Variants in RIC3 observed in about 807,000 individuals in gnomAD.
RIC3 encodes the protein RIC3 acetylcholine receptor chaperone.
Under a neutral mutation model 27.3 loss-of-function variants are expected in RIC3, and 28 were observed. The ratio of observed to expected loss-of-function variants is 1.02; its 90% CI spans 0.76 to 1.41. The LOEUF (loss-of-function observed/expected upper bound fraction) is 1.41, where lower values mean the gene tolerates loss of function less well. Among genes scored for constraint, RIC3 ranks in the 40% most tolerant of loss-of-function variants. The probability of loss-of-function intolerance (pLI) is 0.00; values close to 1 mark genes in which losing one functional copy is unlikely to be tolerated. For synonymous variants in RIC3, 184 were observed against 160.4 expected, an observed-to-expected ratio of 1.15 and a Z score of -1.11; for missense variants, 501 against 444.7, an observed-to-expected ratio of 1.13 and a Z score of -1.14.
At chr11:8,132,785 C>T (rs1947888494) in intron 4 of RIC3, among the ~76,000 whole-genome samples, 1 of 151,960 alleles carries the variant, frequency 6.6e-6, no homozygotes, top group Middle Eastern at 3.4e-3. Context: ...TTTTGCTTTA[C>T]CCCCAGAAAC....
At chr11:8,162,224 C>T (rs1029371549) in intron 1 of RIC3, among the ~76,000 whole-genome samples, 1 of 152,238 alleles carries the variant, frequency 6.6e-6, no homozygotes, top group East Asian at 1.9e-4. Context: ...TCAAACCATA[C>T]TGCAAGACAT....
chr11:8,119,639 G>A (rs1429575884), intron 5 of RIC3, among the ~76,000 whole-genome samples: 4 of 152,092 alleles, frequency 2.6e-5, no homozygotes, highest in South Asian at 2.1e-4. Context: ...GCATAGGCAA[G>A]GACTTCATGA....
At chr11:8,132,909 G>C (rs1947904335) in intron 4 of RIC3, among the ~76,000 whole-genome samples, 1 of 152,186 alleles carries the variant, frequency 6.6e-6, no homozygotes, top group Admixed American at 6.5e-5. Flanking sequence ...AGAAAATGAG[G>C]TTAAAGGACA....
chr11:8,102,705 A>C (rs1450886128), downstream of RIC3: 1 of 152,138 alleles, frequency 6.6e-6, no homozygotes, highest in Non-Finnish European at 1.5e-5. Flanking sequence ...AGGGTGAATA[A>C]AGCAGGGAAT....
rs1317556366 is a variant in RIC3 at position 8,112,617 on chromosome 11, T to G, written c.671-1480A>C. ...GCCAACATGTATTTTCTTATTCCCC[T>G]TTTTTAAAAAGAAGGATCATATTTG... On this transcript the variant is annotated intron_variant, in intron 5 of 5. Coordinates refer to ENST00000309737, the MANE Select transcript of RIC3 (RefSeq NM_001206671.4). Among the ~76,000 whole-genome samples the G allele has an allele frequency of 3.3e-5, 5 of 152,198 alleles. No homozygotes were observed. The East Asian group carries it at 7.7e-4, about 23-fold the overall frequency.
At chr11:8,160,110 T>C (rs1951039153) in intron 1 of RIC3, among the ~76,000 whole-genome samples, 1 of 152,318 alleles carries the variant, frequency 6.6e-6, no homozygotes, top group Admixed American at 6.5e-5. Flanking sequence ...CAAGGAAGTA[T>C]TGACTTTTTA....
the RIC3 span, among the ~76,000 whole-genome samples, chr11:8,093,077 G>A: frequency 6.6e-6 from 1 of 152,178 alleles, no homozygotes; most frequent in African/African-American, 2.4e-5. Context: ...TACAGTCTAG[G>A]TGGAGAGACA....
At chr11:8,102,669 T>G (rs1184572445), downstream of RIC3, 1 of 152,176 alleles carries the variant, frequency 6.6e-6, no homozygotes, top group Admixed American at 6.5e-5. Flanking sequence ...TTGGTAACCA[T>G]GTAGGTTCTT....
chr11:8,130,227 T>A (rs539336648), intron 4 of RIC3, among the ~76,000 whole-genome samples: 15 of 152,172 alleles, frequency 9.9e-5, no homozygotes, highest in African/African-American at 3.6e-4. Flanking sequence ...TCACATTCCA[T>A]CCCCTTGACT....
chr11:8,130,334 A>G (rs952762882), intron 4 of RIC3, among the ~76,000 whole-genome samples: 22 of 152,206 alleles, frequency 1.4e-4, no homozygotes, highest in Admixed American at 1.4e-3. Context: ...TACTTTTGAC[A>G]TTAAATTCAT....
At chr11:8,124,673 A>AGAGAC (rs1946813883) in intron 5 of RIC3, among the ~76,000 whole-genome samples, 1 of 152,354 alleles carries the variant, frequency 6.6e-6, no homozygotes, top group Admixed American at 6.5e-5. Flanking sequence ...TGGTACAAGT[A>AGAGAC]GAGACATACA....
At chr11:8,102,070 G>A (rs1009729564), downstream of RIC3, 24 of 164,406 alleles carry the variant, frequency 1.5e-4, no homozygotes, top group Non-Finnish European at 2.9e-4. Context: ...ATGTGTGTAT[G>A]TATGAAGGCC....
chr11:8,164,808 G>C (rs1284323593), intron 1 of RIC3, among the ~76,000 whole-genome samples: 3 of 102,300 alleles, frequency 2.9e-5, no homozygotes, highest in Non-Finnish European at 6.4e-5. Flanking sequence ...AAAAAAAAAA[G>C]ACAAGTAATC....
At chr11:8,124,183 T>A (rs1217709526) in intron 5 of RIC3, among the ~76,000 whole-genome samples, 1 of 151,818 alleles carries the variant, frequency 6.6e-6, no homozygotes, top group Non-Finnish European at 1.5e-5. Flanking sequence ...TCCACATAAC[T>A]TTTATGGAAT....
intron 1 of RIC3, among the ~76,000 whole-genome samples, chr11:8,167,909 T>C (rs1951860531): frequency 6.6e-6 from 1 of 152,176 alleles, no homozygotes; most frequent in African/African-American, 2.4e-5. Context: ...CCCTAAAGCT[T>C]GGTGCTTTGC....
intron 1 of RIC3, among the ~76,000 whole-genome samples, chr11:8,160,327 T>A (rs138189299): frequency 1.3e-5 from 2 of 152,230 alleles, no homozygotes; most frequent in South Asian, 4.1e-4. Context: ...ATGGATTCAT[T>A]TTACTACTCT....
At chr11:8,115,314 CAA>C (rs777006536) in intron 5 of RIC3, among the ~76,000 whole-genome samples, 2 of 135,910 alleles carry the variant, frequency 1.5e-5, no homozygotes, top group African/African-American at 2.7e-5. Flanking sequence ...AAAACAAAAA[CAA>C]AAAAAAAAAA....
intron 5 of RIC3, among the ~76,000 whole-genome samples, chr11:8,123,499 A>G (rs1391837379): frequency 6.6e-6 from 1 of 152,214 alleles, no homozygotes; most frequent in Non-Finnish European, 1.5e-5. Context: ...CAGCTTGATC[A>G]GGAAAAGAAA....
the RIC3 span, among the ~76,000 whole-genome samples, chr11:8,099,178 G>A: frequency 2.6e-5 from 4 of 152,096 alleles, no homozygotes; most frequent in Non-Finnish European, 4.4e-5. Flanking sequence ...TCTTGTCTGT[G>A]CATTTCCCAG....
Sources: allele counts gnomAD v4.1 joint callset (sites outside exome capture counted in the v4.1 genomes callset), GRCh38; gene constraint gnomAD v4.1.1; transcripts MANE v1.5; gene names NCBI Gene and HGNC (gene_info 2026-07-23, HGNC 2026-07-21).